ALPK2: variants seen among roughly 807,000 people sequenced by gnomAD.
The protein encoded by ALPK2 is alpha-protein kinase 2.
ALPK2 carries 127 observed loss-of-function variants against 163.1 expected under a neutral mutation model. The observed-to-expected ratio is 0.78, with a 90% CI of 0.67 to 0.90. The LOEUF is 0.90. ALPK2 is among the 40% of genes least tolerant of loss of function. The probability of loss-of-function intolerance (pLI) is 0.00; values close to 1 mark genes in which losing one functional copy is unlikely to be tolerated. For missense variants in ALPK2, 2,360 were observed against 2,589.6 expected, an observed-to-expected ratio of 0.91 and a Z score of 1.92; for synonymous variants, 953 against 959.1, an observed-to-expected ratio of 0.99 and a Z score of 0.12.
intron 12 of ALPK2, 107 bp downstream of exon 12, chr18:58,497,942 G>T: frequency 1.0e-6 from 1 of 967,934 alleles, no homozygotes; most frequent in Non-Finnish European, 1.7e-6. Flanking sequence ...GTCATCCACA[G>T]TTAGGACAAG....
intron 3 of ALPK2, among the ~76,000 whole-genome samples, chr18:58,589,740 A>T (rs990464876): frequency 6.6e-6 from 1 of 152,180 alleles, no homozygotes; most frequent in African/African-American, 2.4e-5. Flanking sequence ...CACCAGCAAA[A>T]ATAAAAATAA....
intron 8 of ALPK2, 95 bp downstream of exon 8, chr18:58,523,711 C>G: frequency 2.0e-6 from 3 of 1,505,806 alleles, no homozygotes; most frequent in South Asian, 2.3e-5. Context: ...TTGGAAGAGT[C>G]CAGAGGATTA....
intron 4 of ALPK2, among the ~76,000 whole-genome samples, chr18:58,553,211 G>A (rs1351051047): frequency 2.0e-5 from 3 of 152,198 alleles, no homozygotes; most frequent in African/African-American, 7.2e-5. Context: ...CCTCAATTGT[G>A]AGAAAATAAA....
At chr18:58,528,404 T>C (rs896759354) in intron 6 of ALPK2, among the ~76,000 whole-genome samples, 7 of 151,978 alleles carry the variant, frequency 4.6e-5, no homozygotes, top group Non-Finnish European at 1.0e-4. Context: ...AGCATGGTGG[T>C]GTGCTCCAGT....
chr18:58,494,268 A>G (rs1269325920), intron 12 of ALPK2, among the ~76,000 whole-genome samples: 1 of 152,186 alleles, frequency 6.6e-6, no homozygotes, highest in African/African-American at 2.4e-5. Flanking sequence ...AAATTTTTGT[A>G]CTCAACATTT....
intron 4 of ALPK2, among the ~76,000 whole-genome samples, chr18:58,539,146 C>T (rs1439343219): frequency 6.6e-6 from 1 of 152,172 alleles, no homozygotes; most frequent in Non-Finnish European, 1.5e-5. Context: ...GAGAAGGCTG[C>T]CTTTGAACCC....
chr18:58,534,415 G>A (rs1238503408), intron 5 of ALPK2, among the ~76,000 whole-genome samples: 1 of 152,076 alleles, frequency 6.6e-6, no homozygotes, highest in Non-Finnish European at 1.5e-5. Flanking sequence ...CTTAGTGCAT[G>A]GTCTATTTCA....
chr18:58,609,093 TCTCCCTCC>T (rs367912072), intron 2 of ALPK2, among the ~76,000 whole-genome samples: 6 of 150,998 alleles, frequency 4.0e-5, no homozygotes, highest in Admixed American at 2.6e-4. Context: ...AAATGCTAAG[TCTCCCTCC>T]CTCCCTCCCT....
chr18:58,568,031 C>T (rs868237772), intron 4 of ALPK2, among the ~76,000 whole-genome samples: 31 of 152,310 alleles, frequency 2.0e-4, no homozygotes, highest in Admixed American at 2.0e-4. Context: ...ATGGTGGCCT[C>T]CTGCCAGCCT....
In ALPK2 at chr18:58,535,979, A is replaced by G; in HGVS notation, c.4208T>C (p.Val1403Ala). 3 of 1,614,174 alleles carry G rather than the reference A, an allele frequency of 1.9e-6. No individual in the cohort carries two copies. The highest frequency in any genetic ancestry group is 1.7e-6 in the Non-Finnish European group (2 of 1,180,008). The part of the protein sequence containing the change: ...LTCPKILESS[V>A]DPIDEISVIE... Reference sequence around the variant, plus strand: ...CACACTTATCTCATCAATGGGATCTACAGAGGACTCTAGGATTTTAGGGCA... The same window carrying G: ...CACACTTATCTCATCAATGGGATCTGCAGAGGACTCTAGGATTTTAGGGCA... Residue 1403 changes from valine (V) to alanine (A), a missense_variant, in exon 5 of 13, where the codon GTA becomes GCA. By Grantham distance (64) the Val-to-Ala change is moderately conservative (BLOSUM62 0). Transcript: ENST00000361673.
chr18:58,602,202 G>A (rs1258698172), intron 3 of ALPK2, among the ~76,000 whole-genome samples: 1 of 152,156 alleles, frequency 6.6e-6, no homozygotes, highest in Non-Finnish European at 1.5e-5. Context: ...AACTCAGCTG[G>A]TGTGTCTGGA....
rs748042253 is a variant in ALPK2, at chr18:58,537,650, T to A, written c.2537A>T (p.Gln846Leu). ...AGAACATAAATCAGATACTTTGTTT[T>A]GACCTTCTGCCAGTTCCGTATCTAC... ...CSVDTELAEG[Q>L]NKVSDLCSSN... The change falls in exon 5 of 13, where the codon CAA becomes CTA. Residue 846 changes from glutamine (Q) to leucine (L), a missense_variant. Gln to Leu is a moderately radical substitution (Grantham distance 113). Coordinates refer to ENST00000361673, the MANE Select transcript of ALPK2 (RefSeq NM_052947.4). 5 of 1,613,602 alleles carry A rather than the reference T, an allele frequency of 3.1e-6. No individual in the cohort carries two copies. In the African/African-American group the frequency reaches 5.3e-5, roughly 17 times the overall value.
At chr18:58,564,845 T>A (rs547266221) in intron 4 of ALPK2, among the ~76,000 whole-genome samples, 36 of 152,230 alleles carry the variant, frequency 2.4e-4, no homozygotes, top group East Asian at 7.7e-4. Context: ...TTAAAAAAAA[T>A]TTTTTTAAAA....
intron 12 of ALPK2, among the ~76,000 whole-genome samples, chr18:58,483,004 C>T (rs1411278441): frequency 6.6e-6 from 1 of 152,158 alleles, no homozygotes; most frequent in African/African-American, 2.4e-5. Context: ...CCAGAAAATC[C>T]ACAAATCCCA....
At chr18:58,581,705 C>T (rs2051960022) in intron 3 of ALPK2, among the ~76,000 whole-genome samples, 1 of 152,204 alleles carries the variant, frequency 6.6e-6, no homozygotes, top group African/African-American at 2.4e-5. Flanking sequence ...TCTCATTTGA[C>T]CGCATTGTAA....
chr18:58,483,510 T>G (rs931578785), intron 12 of ALPK2, among the ~76,000 whole-genome samples: 1 of 150,380 alleles, frequency 6.6e-6, no homozygotes, highest in African/African-American at 2.5e-5. Flanking sequence ...TCCTCCTTTT[T>G]CTAGATAAGT....
intron 3 of ALPK2, among the ~76,000 whole-genome samples, chr18:58,600,879 A>G (rs923061629): frequency 6.6e-6 from 1 of 152,186 alleles, no homozygotes; most frequent in African/African-American, 2.4e-5. Flanking sequence ...TGTGAGTGGG[A>G]TCATAGAGAA....
In ALPK2 at chr18:58,523,681, G is replaced by T; in HGVS notation, c.5665+125C>A. Reference sequence around the variant, plus strand: ...TGATGGCATTCATTTCTTAAGTCACGCCATAGCTCTCCTTCTCGGTTGGAA... The same window carrying T: ...TGATGGCATTCATTTCTTAAGTCACTCCATAGCTCTCCTTCTCGGTTGGAA... On this transcript the variant is annotated intron_variant, in intron 8 of 12. Coordinates refer to ENST00000361673, the MANE Select transcript of ALPK2 (RefSeq NM_052947.4). 9 of 1,199,542 alleles carry T rather than the reference G, an allele frequency of 7.5e-6. 1 individual carries two copies. The highest frequency in any genetic ancestry group is 9.8e-6 in the Non-Finnish European group (8 of 819,264). 74.3% of individuals were successfully genotyped at this position (1,199,542 alleles called of 1,614,324 possible).
In ALPK2 at chr18:58,624,253, A is replaced by G. The variant is rs114877885; in HGVS notation, c.-21+4511T>C. On this transcript the variant is annotated intron_variant, in intron 1 of 12. Coordinates refer to ENST00000361673, the MANE Select transcript of ALPK2 (RefSeq NM_052947.4). Reference sequence around the variant, plus strand: ...CACTCCGTCATCCACAGAAAAAGGAAAGCATGTGAACCTCAGCGAAGGCCA... The same window carrying G: ...CACTCCGTCATCCACAGAAAAAGGAGAGCATGTGAACCTCAGCGAAGGCCA... 9.3e-3 allele frequency among the ~76,000 whole-genome samples: 1,409 copies of G among 152,322 alleles called. 23 individuals are homozygous for G. The highest frequency in any genetic ancestry group is 0.031 in the African/African-American group (1,297 of 41,572).
Sources: allele counts gnomAD v4.1 joint callset (sites outside exome capture counted in the v4.1 genomes callset), GRCh38; gene constraint gnomAD v4.1.1; transcripts MANE v1.5; gene names NCBI Gene and HGNC (gene_info 2026-07-23, HGNC 2026-07-21).